The following SUGCT variants were observed in gnomAD, a reference collection of about 807,000 sequenced individuals.
SUGCT encodes the protein succinyl-CoA:glutarate CoA-transferase.
SUGCT carries 41 observed loss-of-function variants against 55.0 expected under a neutral mutation model. The ratio of observed to expected loss-of-function variants is 0.74; its 90% CI spans 0.58 to 0.97. The LOEUF (loss-of-function observed/expected upper bound fraction) is 0.97, where lower values mean the gene tolerates loss of function less well. Among genes scored for constraint, SUGCT ranks in the 50% least tolerant of loss-of-function variants. The pLI is 0.00. For synonymous variants in SUGCT, 187 were observed against 200.4 expected, an observed-to-expected ratio of 0.93 and a Z score of 0.56; for missense variants, 568 against 547.8, an observed-to-expected ratio of 1.04 and a Z score of -0.37.
intron 12 of SUGCT, among the ~76,000 whole-genome samples, chr7:40,725,344 G>A (rs575780175): frequency 6.4e-4 from 98 of 152,292 alleles, no homozygotes; most frequent in African/African-American, 2.3e-3. Context: ...TTTCTTTAGA[G>A]TATACTTTTA....
At chr7:40,313,747 G>GTT (rs367545331) in intron 8 of SUGCT, among the ~76,000 whole-genome samples, 1 of 140,536 alleles carries the variant, frequency 7.1e-6, no homozygotes, top group African/African-American at 2.6e-5. Context: ...CCCCCCATCT[G>GTT]TTTTTTTTTT....
At chr7:40,353,294 G>A (rs1797732023) in intron 9 of SUGCT, among the ~76,000 whole-genome samples, 1 of 152,082 alleles carries the variant, frequency 6.6e-6, no homozygotes. Context: ...TACGCAAAGG[G>A]TACTCATAGA....
chr7:40,640,720 C>T (rs1433880140), intron 12 of SUGCT, among the ~76,000 whole-genome samples: 1 of 152,166 alleles, frequency 6.6e-6, no homozygotes, highest in East Asian at 1.9e-4. Flanking sequence ...TCAAGTAGTA[C>T]CGAAACTGTT....
At chr7:40,819,682 T>C (rs1230080059) in intron 13 of SUGCT, among the ~76,000 whole-genome samples, 1 of 152,148 alleles carries the variant, frequency 6.6e-6, no homozygotes, top group Admixed American at 6.6e-5. Context: ...GGGTAGATTG[T>C]AAAAATTTTC....
At chr7:40,422,700 G>A (rs570086406) in intron 9 of SUGCT, among the ~76,000 whole-genome samples, 98 of 151,914 alleles carry the variant, frequency 6.5e-4, no homozygotes, top group Non-Finnish European at 1.1e-3. Flanking sequence ...GTCTTGGGTA[G>A]ATTTGTTAAT....
intron 13 of SUGCT, among the ~76,000 whole-genome samples, chr7:40,802,766 T>C (rs1790891637): frequency 6.6e-6 from 1 of 152,206 alleles, no homozygotes; most frequent in Non-Finnish European, 1.5e-5. Context: ...CTGGTAGAAA[T>C]CACAATATTG....
chr7:40,439,064 G>GTGTATATATATATATATATA (rs1283539157), intron 9 of SUGCT, among the ~76,000 whole-genome samples: 1 of 27,194 alleles, frequency 3.7e-5, no homozygotes, highest in Non-Finnish European at 6.9e-5. Context: ...TATATATGGT[G>GTGTATATATATATATATATA]TATATATATA....
chr7:40,351,265 G>A (rs1267808822), intron 9 of SUGCT, among the ~76,000 whole-genome samples: 1 of 151,886 alleles, frequency 6.6e-6, no homozygotes, highest in Admixed American at 6.6e-5. Flanking sequence ...TTATGTTTAA[G>A]TATCAAAGTT....
chr7:40,516,718 T>G (rs1468652511), intron 12 of SUGCT, among the ~76,000 whole-genome samples: 1 of 152,188 alleles, frequency 6.6e-6, no homozygotes, highest in African/African-American at 2.4e-5. Context: ...CCACTCTGTC[T>G]TGATTACTGT....
chr7:40,669,414 AACAG>A (rs1252658139), intron 12 of SUGCT, among the ~76,000 whole-genome samples: 1 of 152,054 alleles, frequency 6.6e-6, no homozygotes, highest in African/African-American at 2.4e-5. Context: ...ATTCAATGAA[AACAG>A]ACACTCAATA....
chr7:40,219,487 G>T (rs1787899968), intron 6 of SUGCT, among the ~76,000 whole-genome samples: 1 of 152,144 alleles, frequency 6.6e-6, no homozygotes, highest in Non-Finnish European at 1.5e-5. Flanking sequence ...TAGAAGCCTG[G>T]CTCCCACTTT....
intron 1 of SUGCT, chr7:40,153,615 T>A (rs1054183706): frequency 1.9e-6 from 1 of 521,444 alleles, no homozygotes; most frequent in African/African-American, 1.9e-5. Flanking sequence ...TCTGCTACCT[T>A]ATGTTATAAT....
At chr7:40,330,826 G>A (rs185073238) in intron 9 of SUGCT, among the ~76,000 whole-genome samples, 2 of 152,008 alleles carry the variant, frequency 1.3e-5, no homozygotes, top group African/African-American at 4.8e-5. Flanking sequence ...AATAATTAAG[G>A]TCACCATAGT....
At chr7:41,030,243 C>CT in the SUGCT span, among the ~76,000 whole-genome samples, 2,522 of 147,208 alleles carry the variant, frequency 0.017, 87 homozygotes, top group East Asian at 0.15. Flanking sequence ...TTTCCAGAGG[C>CT]TTTTTTTTTT....
At chr7:40,212,092 GT>G (rs142996633) in intron 6 of SUGCT, among the ~76,000 whole-genome samples, 11 of 148,300 alleles carry the variant, frequency 7.4e-5, no homozygotes, top group Admixed American at 2.0e-4. Context: ...GAGTAATTCT[GT>G]TTTTTTTTTA....
At chr7:40,324,244 A>ATATAT (rs1562681042) in intron 9 of SUGCT, among the ~76,000 whole-genome samples, 8 of 98,478 alleles carry the variant, frequency 8.1e-5, no homozygotes, top group South Asian at 3.4e-4. Flanking sequence ...TAAATAAATA[A>ATATAT]ATAAATAAAT....
intron 13 of SUGCT, among the ~76,000 whole-genome samples, chr7:40,759,831 T>G (rs1300886825): frequency 6.6e-6 from 1 of 152,086 alleles, no homozygotes; most frequent in Non-Finnish European, 1.5e-5. Flanking sequence ...CGTGGGTTTT[T>G]TTGTTGTTGT....
At chr7:40,458,979 G>A in intron 10 of SUGCT, 122 bp from the exon 11 acceptor site, 2 of 627,796 alleles carry the variant, frequency 3.2e-6, no homozygotes, top group Admixed American at 2.5e-5. Context: ...CCTTGTTGAG[G>A]GGCATAAAGA....
At chr7:40,186,083 CTCTT>C (rs886776268) in intron 3 of SUGCT, among the ~76,000 whole-genome samples, 70 of 150,804 alleles carry the variant, frequency 4.6e-4, no homozygotes, top group African/African-American at 1.6e-3. Context: ...CTTTCTTTCT[CTCTT>C]TTTCTTCCTT....
Sources: gnomAD v4.1 joint callset for allele counts (sites outside exome capture counted in the v4.1 genomes callset) on GRCh38, gnomAD v4.1.1 for gene constraint, MANE v1.5 for transcripts, NCBI Gene and HGNC (gene_info 2026-07-23, HGNC 2026-07-21) for gene names.